The following RBFOX1 variants were observed in gnomAD, a reference collection of about 807,000 sequenced individuals.
The protein encoded by RBFOX1 is RNA binding fox-1 homolog 1.
RBFOX1 carries 8 observed loss-of-function variants against 57.7 expected under a neutral mutation model. The ratio of observed to expected loss-of-function variants is 0.14; its 90% CI spans 0.08 to 0.25. The LOEUF (loss-of-function observed/expected upper bound fraction) is 0.25, where lower values mean the gene tolerates loss of function less well. RBFOX1 is among the 10% of genes least tolerant of loss of function. The pLI, the probability that RBFOX1 is intolerant of heterozygous loss-of-function variation, is 1.00. For synonymous variants in RBFOX1, 326 were observed against 222.4 expected (o/e 1.47, Z -4.15); for missense variants, 611 against 548.5 (o/e 1.11, Z -1.14).
chr16:7,099,338 A>T (rs2062249747), intron 4 of RBFOX1, among the ~76,000 whole-genome samples: 1 of 152,168 alleles, frequency 6.6e-6, no homozygotes, highest in South Asian at 2.1e-4. Flanking sequence ...CTCATTTTGT[A>T]CCAGCTTCTC....
At chr16:5,361,347 G>A (rs1011727933) in intron 1 of RBFOX1, among the ~76,000 whole-genome samples, 14 of 152,204 alleles carry the variant, frequency 9.2e-5, no homozygotes, top group Non-Finnish European at 7.3e-5. Flanking sequence ...CAACTAGGTA[G>A]TTACCCAGAG....
At chr16:5,944,501 C>T (rs909820917) in intron 4 of RBFOX1, among the ~76,000 whole-genome samples, 2 of 152,032 alleles carry the variant, frequency 1.3e-5, no homozygotes, top group Non-Finnish European at 1.5e-5. Flanking sequence ...GTGGAGAAAG[C>T]AAGGCTTTGT....
chr16:7,068,115 G>A (rs1245842544), intron 4 of RBFOX1, among the ~76,000 whole-genome samples: 1 of 151,748 alleles, frequency 6.6e-6, no homozygotes, highest in Non-Finnish European at 1.5e-5. Context: ...TGATTACGTT[G>A]GGTCCACCCA....
chr16:6,942,169 A>T (rs994806172), intron 3 of RBFOX1, among the ~76,000 whole-genome samples: 1 of 152,050 alleles, frequency 6.6e-6, no homozygotes, highest in African/African-American at 2.4e-5. Flanking sequence ...AACTTGGGAG[A>T]TGGAGGTTGC....
At chr16:7,206,518 A>G (rs1389392070) in intron 4 of RBFOX1, among the ~76,000 whole-genome samples, 1 of 151,986 alleles carries the variant, frequency 6.6e-6, no homozygotes, top group East Asian at 1.9e-4. Context: ...TTAGAAAGAC[A>G]CTTGCAAGCT....
Position 5,619,986 on chromosome 16 carries a change from TA to T in RBFOX1, c.318+21039del, listed in dbSNP as rs35481033. The stretch of plus-strand genomic sequence containing the variant: ...CAGATAGTAAATTCCTAGGATGCAT[TA>T]AAAAAAAAAAAAAGAAAGAAAGAAA... On this transcript the variant is annotated intron_variant, in intron 3 of 19. Transcript: ENST00000641259. Among the ~76,000 whole-genome samples, 706 of 140,328 alleles carry T rather than the reference TA, an allele frequency of 5.0e-3. 1 individual carries two copies. Among genetic ancestry groups the T allele is most frequent in the Middle Eastern group, 0.018 (5 of 276 alleles). 92.1% of individuals were successfully genotyped at this position (140,328 alleles called of 152,430 possible).
At chr16:6,836,635 C>G (rs1219588354) in intron 3 of RBFOX1, among the ~76,000 whole-genome samples, 2 of 152,184 alleles carry the variant, frequency 1.3e-5, no homozygotes, top group Non-Finnish European at 2.9e-5. Flanking sequence ...GTCTTACGGA[C>G]TTTCACCCCG....
intron 3 of RBFOX1, among the ~76,000 whole-genome samples, chr16:6,682,091 ACGATT>A (rs532345085): frequency 6.6e-6 from 1 of 152,188 alleles, no homozygotes; most frequent in Non-Finnish European, 1.5e-5. Flanking sequence ...ACAAAATGTC[ACGATT>A]CTTTTAAAGT....
intron 4 of RBFOX1, among the ~76,000 whole-genome samples, chr16:7,248,898 A>G (rs1242436511): frequency 2.0e-5 from 3 of 152,198 alleles, no homozygotes; most frequent in Non-Finnish European, 4.4e-5. Context: ...AAATGTTGCT[A>G]TGTATAGCCA....
At chr16:5,609,881 G>A (rs111623271) in intron 3 of RBFOX1, among the ~76,000 whole-genome samples, 6,451 of 151,892 alleles carry the variant, frequency 0.042, 459 homozygotes, top group African/African-American at 0.15. Flanking sequence ...CGGTGGGGGC[G>A]GGGTGGAAGA....
chr16:5,761,056 G>A (rs2053574231), intron 3 of RBFOX1, among the ~76,000 whole-genome samples: 1 of 152,190 alleles, frequency 6.6e-6, no homozygotes, highest in African/African-American at 2.4e-5. Context: ...AGAAGGTTCT[G>A]GGGCAGGAAG....
intron 4 of RBFOX1, among the ~76,000 whole-genome samples, chr16:7,135,072 C>G (rs9923901): frequency 0.11 from 17,354 of 152,050 alleles, 1,150 homozygotes; most frequent in East Asian, 0.23. Flanking sequence ...GGTTTTAAAA[C>G]TTCACATTTG....
intron 1 of RBFOX1, among the ~76,000 whole-genome samples, chr16:6,175,518 G>A (rs969047246): frequency 1.3e-5 from 2 of 152,140 alleles, no homozygotes; most frequent in African/African-American, 2.4e-5. Context: ...GGGTGGGGGC[G>A]AGAGGATGGG....
intron 2 of RBFOX1, among the ~76,000 whole-genome samples, chr16:6,422,970 C>T (rs778875934): frequency 2.6e-5 from 4 of 152,228 alleles, no homozygotes; most frequent in African/African-American, 9.6e-5. Context: ...GCTGCATCCA[C>T]ATTGCTGCAA....
At chr16:7,069,313 C>G (rs1468079624) in intron 4 of RBFOX1, among the ~76,000 whole-genome samples, 1 of 152,126 alleles carries the variant, frequency 6.6e-6, no homozygotes, top group Admixed American at 6.5e-5. Context: ...GTATTAAGCC[C>G]TGCGTGCATT....
chr16:6,320,773 T>TA (rs35918924), intron 2 of RBFOX1, among the ~76,000 whole-genome samples: 11 of 151,598 alleles, frequency 7.3e-5, no homozygotes, highest in Non-Finnish European at 1.2e-4. Context: ...AAACTGTTAT[T>TA]AAAAAAAAAT....
At chr16:6,975,359 G>C (rs2086596588) in intron 3 of RBFOX1, among the ~76,000 whole-genome samples, 1 of 152,016 alleles carries the variant, frequency 6.6e-6, no homozygotes, top group African/African-American at 2.4e-5. Flanking sequence ...TCCGACTCCT[G>C]GGTTCAAGCG....
chr16:7,358,423 T>G (rs1340713952), intron 4 of RBFOX1, among the ~76,000 whole-genome samples: 1 of 152,116 alleles, frequency 6.6e-6, no homozygotes, highest in Non-Finnish European at 1.5e-5. Context: ...TTGTTTTTTG[T>G]TTTTTGTTTT....
At chr16:7,600,468 A>G (rs1300475472) in intron 9 of RBFOX1, among the ~76,000 whole-genome samples, 1 of 152,168 alleles carries the variant, frequency 6.6e-6, no homozygotes, top group Admixed American at 6.5e-5. Flanking sequence ...GCCCTTTCAT[A>G]TCCTTAATAA....
Sources: gnomAD v4.1 joint callset for allele counts (sites outside exome capture counted in the v4.1 genomes callset) on GRCh38, gnomAD v4.1.1 for gene constraint, MANE v1.5 for transcripts, NCBI Gene and HGNC (gene_info 2026-07-23, HGNC 2026-07-21) for gene names.